Variants in ANO10 observed in about 807,000 individuals in gnomAD.
ANO10 encodes anoctamin-10.
A neutral mutation model predicts 74.7 loss-of-function variants in ANO10; 77 were observed. The observed-to-expected ratio is 1.03, with a 90% confidence interval of 0.86 to 1.25. ANO10 has a LOEUF of 1.25. ANO10 is among the 50% of genes most tolerant of loss of function. The pLI is 0.00. For synonymous variants in ANO10, 279 were observed against 284.9 expected (o/e 0.98, Z 0.21); for missense variants, 721 against 778.1 (o/e 0.93, Z 0.87).
chr3:43,473,509 A>G lies in ANO10; in HGVS notation c.1798-40782T>C, dbSNP rs535478813. On this transcript the variant is annotated intron_variant, in intron 11 of 12. Transcript: ENST00000292246. ...TCAGTGCCACACGCGCCTCTCCCAC[A>G]TGCCACTGTCATTATTTGTTATCTG... 2.0e-4 allele frequency among the ~76,000 whole-genome samples: 31 copies of G among 152,252 alleles called. No homozygotes were observed. The South Asian group carries it at 6.2e-3, about 31-fold the overall frequency.
chr3:43,461,842 C>T (rs915780863), intron 11 of ANO10, among the ~76,000 whole-genome samples: 2 of 152,098 alleles, frequency 1.3e-5, no homozygotes, highest in Non-Finnish European at 2.9e-5. Context: ...TGAAAAGATA[C>T]CCAAAAATGT....
chr3:43,663,362 A>G (rs528449504), intron 1 of ANO10, among the ~76,000 whole-genome samples: 20 of 152,220 alleles, frequency 1.3e-4, no homozygotes, highest in Non-Finnish European at 2.9e-4. Context: ...AAAAACTCTC[A>G]ATAAACTAGG....
At chr3:43,527,551 AAAAC>A (rs1254284059) in intron 11 of ANO10, among the ~76,000 whole-genome samples, 1 of 152,162 alleles carries the variant, frequency 6.6e-6, no homozygotes, top group Non-Finnish European at 1.5e-5. Context: ...CTCAAAACCA[AAAAC>A]AAACAGATCA....
At chr3:43,564,839 CTG>C (rs1460748618) in intron 8 of ANO10, among the ~76,000 whole-genome samples, 2 of 152,136 alleles carry the variant, frequency 1.3e-5, no homozygotes, top group Non-Finnish European at 2.9e-5. Context: ...GGTATTACAA[CTG>C]TTTTTTTAAG....
intron 9 of ANO10, among the ~76,000 whole-genome samples, chr3:43,558,596 T>A (rs1314153648): frequency 6.6e-6 from 1 of 152,200 alleles, no homozygotes. Flanking sequence ...TTTTAAAGTT[T>A]CGGCCAAATT....
chr3:43,497,784 T>C (rs754539116), intron 11 of ANO10, among the ~76,000 whole-genome samples: 8 of 152,206 alleles, frequency 5.3e-5, no homozygotes, highest in Non-Finnish European at 1.2e-4. Flanking sequence ...TATATTTACA[T>C]ATTTCTATGA....
At chr3:43,395,203 T>C (rs1173871974) in intron 12 of ANO10, among the ~76,000 whole-genome samples, 1 of 152,196 alleles carries the variant, frequency 6.6e-6, no homozygotes, top group African/African-American at 2.4e-5. Flanking sequence ...GAAAGTTTTC[T>C]AGCAGATTCT....
chr3:43,412,948 G>A (rs777521349), intron 12 of ANO10, among the ~76,000 whole-genome samples: 4 of 152,194 alleles, frequency 2.6e-5, no homozygotes, highest in Non-Finnish European at 4.4e-5. Flanking sequence ...CTACTCAGGA[G>A]GACAAGGCAG....
intron 11 of ANO10, among the ~76,000 whole-genome samples, chr3:43,517,273 G>A (rs2077750810): frequency 1.3e-5 from 2 of 152,014 alleles, no homozygotes; most frequent in Admixed American, 1.3e-4. Flanking sequence ...TTTTATATTA[G>A]TAATATCCAG....
intron 11 of ANO10, among the ~76,000 whole-genome samples, chr3:43,539,811 C>G (rs938015710): frequency 3.9e-5 from 6 of 152,140 alleles, no homozygotes; most frequent in Non-Finnish European, 8.8e-5. Flanking sequence ...TAATGCTTAC[C>G]TCCTTTCAGA....
At chr3:43,625,104 C>G (rs553316443), upstream of ANO10, among the ~76,000 whole-genome samples, 1 of 152,230 alleles carries the variant, frequency 6.6e-6, no homozygotes, top group Non-Finnish European at 1.5e-5. Flanking sequence ...CAGGTTTTCT[C>G]TCAGGTGACT....
chr3:43,503,826 A>G (rs2077184760), intron 11 of ANO10, among the ~76,000 whole-genome samples: 1 of 152,146 alleles, frequency 6.6e-6, no homozygotes, highest in Admixed American at 6.5e-5. Context: ...CATTTATCCT[A>G]TTAAAAACTG....
intron 1 of ANO10, among the ~76,000 whole-genome samples, chr3:43,683,605 A>T (rs2084231758): frequency 6.6e-6 from 1 of 152,238 alleles, no homozygotes; most frequent in African/African-American, 2.4e-5. Context: ...GAACCAAAAA[A>T]GAGCCTGCAT....
chr3:43,617,406 G>A (rs2149534065), intron 1 of ANO10, among the ~76,000 whole-genome samples: 1 of 152,110 alleles, frequency 6.6e-6, no homozygotes, highest in East Asian at 1.9e-4. Context: ...AGAGCAGCCA[G>A]GTTCCACACA....
chr3:43,599,351 T>C (rs977767251), intron 3 of ANO10, among the ~76,000 whole-genome samples: 6 of 152,176 alleles, frequency 3.9e-5, no homozygotes, highest in Admixed American at 1.3e-4. Flanking sequence ...GCTTTCCCAG[T>C]TCTTTCCTGA....
intron 11 of ANO10, among the ~76,000 whole-genome samples, chr3:43,493,657 C>A: frequency 6.6e-6 from 1 of 151,734 alleles, no homozygotes. Context: ...ATAGTTATTC[C>A]CAATTAAGAT....
At chr3:43,590,163 T>C (rs2081663622) in intron 4 of ANO10, among the ~76,000 whole-genome samples, 1 of 152,232 alleles carries the variant, frequency 6.6e-6, no homozygotes, top group East Asian at 1.9e-4. Context: ...CCATATGTTA[T>C]ACAAATTGAA....
At chr3:43,502,644 C>A (rs2077140557) in intron 11 of ANO10, among the ~76,000 whole-genome samples, 2 of 152,068 alleles carry the variant, frequency 1.3e-5, no homozygotes, top group Admixed American at 1.3e-4. Flanking sequence ...TTTATAACAA[C>A]ACAAATGAAG....
At chr3:43,639,293 G>A (rs999088839) in intron 1 of ANO10, among the ~76,000 whole-genome samples, 4 of 152,144 alleles carry the variant, frequency 2.6e-5, no homozygotes, top group Non-Finnish European at 4.4e-5. Flanking sequence ...TTAAGTCATC[G>A]CAGTGCAGCC....
Sources: gnomAD v4.1 joint callset for allele counts (sites outside exome capture counted in the v4.1 genomes callset) on GRCh38, gnomAD v4.1.1 for gene constraint, MANE v1.5 for transcripts, NCBI Gene and HGNC (gene_info 2026-07-23, HGNC 2026-07-21) for gene names.